MYO7B: variants seen among roughly 807,000 people sequenced by gnomAD.
MYO7B encodes unconventional myosin-VIIb.
Under a neutral mutation model 259.7 loss-of-function variants are expected in MYO7B, and 212 were observed. The ratio of observed to expected loss-of-function variants is 0.82; its 90% CI spans 0.73 to 0.91. The LOEUF (loss-of-function observed/expected upper bound fraction) is 0.91, where lower values mean the gene tolerates loss of function less well. Ranked by LOEUF, MYO7B falls within the 40% of genes least tolerant of loss-of-function variation. The pLI is 0.00. For synonymous variants in MYO7B, 1,197 were observed against 1,166.4 expected (o/e 1.03, Z -0.54); for missense variants, 2,732 against 2,813.5 (o/e 0.97, Z 0.66).
In MYO7B at chr2:127,628,186, C is replaced by T; in HGVS notation, c.4461-186C>T. 1.3e-6 allele frequency: 1 copy of T among 752,244 alleles called. No homozygotes were observed. Among genetic ancestry groups the T allele is most frequent in the Non-Finnish European group, 2.3e-6 (1 of 433,706 alleles). 46.6% of individuals were successfully genotyped at this position (752,244 alleles called of 1,614,324 possible). ...CACCACTCTCAGCCTCCGAGAGGTCCTGTGCTCCGCCGTCCTTCATTTGTC... is the reference window on the plus strand; with the variant it reads ...CACCACTCTCAGCCTCCGAGAGGTCTTGTGCTCCGCCGTCCTTCATTTGTC... On this transcript the variant is annotated intron_variant, in intron 33 of 47. Transcript: ENST00000409816. This position sits in a 1 kb window ranked among gnomAD's most constrained non-coding sequence, Gnocchi z 4.8.
At chr2:127,560,055 C>T (rs1573620111) in intron 2 of MYO7B, among the ~76,000 whole-genome samples, 3 of 143,552 alleles carry the variant, frequency 2.1e-5, no homozygotes, top group African/African-American at 7.9e-5. Flanking sequence ...CAGACAGGGT[C>T]TCACTCTGTC....
At chr2:127,626,721 G>C (rs2105103371) in intron 31 of MYO7B, 1 of 369,824 alleles carries the variant, frequency 2.7e-6, no homozygotes, top group Middle Eastern at 7.5e-4. Flanking sequence ...GGAGCTTGCG[G>C]TGAGCCAAGA....
At chr2:127,554,441 A>G (rs1035107356) in intron 1 of MYO7B, among the ~76,000 whole-genome samples, 1 of 152,194 alleles carries the variant, frequency 6.6e-6, no homozygotes, top group Admixed American at 6.5e-5. Flanking sequence ...CCACTTGATC[A>G]TGGTGGATTA....
At chr2:127,622,702 C>T (rs1339975509) in intron 28 of MYO7B, among the ~76,000 whole-genome samples, 1 of 152,240 alleles carries the variant, frequency 6.6e-6, no homozygotes, top group Non-Finnish European at 1.5e-5. Flanking sequence ...TTTCTGTTCT[C>T]ACCCTGCCCC....
chr2:127,552,617 G>A (rs569434038), intron 1 of MYO7B, among the ~76,000 whole-genome samples: 6 of 152,162 alleles, frequency 3.9e-5, no homozygotes, highest in Non-Finnish European at 8.8e-5. Flanking sequence ...TCTCCTGTGA[G>A]GCAGATCCTG....
chr2:127,560,649 G>A (rs1678048237), intron 2 of MYO7B, among the ~76,000 whole-genome samples: 2 of 152,282 alleles, frequency 1.3e-5, no homozygotes, highest in South Asian at 4.1e-4. Context: ...AGGCTGGTGA[G>A]CCCAGAGAGC....
At chr2:127,541,866 A>C (rs557404946) in intron 1 of MYO7B, among the ~76,000 whole-genome samples, 2 of 152,230 alleles carry the variant, frequency 1.3e-5, no homozygotes, top group Non-Finnish European at 2.9e-5. Context: ...CTCCAAGAGC[A>C]GGGTCTCTTC....
rs556176333 is a variant in MYO7B, at chr2:127,637,240, G to A, written c.6328-76G>A. ...CTGCACTGCTGGTTGCTGAGGAAGA[G>A]AAGGTGGTCCCTGAGTCCAGGACCC... On this transcript the variant is annotated intron_variant, in intron 47 of 47. Coordinates refer to ENST00000409816, the MANE Select transcript of MYO7B (RefSeq NM_001393586.1). 6.6e-5 allele frequency: 75 copies of A among 1,138,688 alleles called. No homozygotes were observed. In the South Asian group the frequency reaches 9.0e-4, roughly 14 times the overall value. The allele number at this position is 1,138,688 out of a possible 1,614,324, so 70.5% of individuals were successfully genotyped here. A position where few individuals can be genotyped will look rare whatever the true frequency, so the allele number is the denominator to read the frequency against.
At chr2:127,621,086 G>A (rs904934807) in intron 27 of MYO7B, among the ~76,000 whole-genome samples, 4 of 152,108 alleles carry the variant, frequency 2.6e-5, no homozygotes, top group African/African-American at 7.2e-5. Context: ...CAGGAACCAC[G>A]GTCACTGAAG....
In MYO7B at chr2:127,598,587, G is replaced by A. The variant is rs191619764; in HGVS notation, c.2339+2031G>A. Among the ~76,000 whole-genome samples, 22 of 152,280 alleles carry A rather than the reference G, an allele frequency of 1.4e-4. 1 individual carries two copies. Among genetic ancestry groups the A allele is most frequent in the Admixed American group, 7.2e-4 (11 of 15,282 alleles). Reference sequence around the variant, plus strand: ...TGCAGAGCAAAAGTTTTTAATCTTCGTAAAGTCTAATTGTCAAATTTCTCT... The same window carrying A: ...TGCAGAGCAAAAGTTTTTAATCTTCATAAAGTCTAATTGTCAAATTTCTCT... On this transcript the variant is annotated intron_variant, in intron 19 of 47. Coordinates refer to ENST00000409816, the MANE Select transcript of MYO7B (RefSeq NM_001393586.1).
At chr2:127,599,674 A>G (rs1464389914) in intron 19 of MYO7B, among the ~76,000 whole-genome samples, 1 of 152,180 alleles carries the variant, frequency 6.6e-6, no homozygotes, top group African/African-American at 2.4e-5. Flanking sequence ...GCCCTTTCTC[A>G]AGTCGAGGAA....
intron 27 of MYO7B, among the ~76,000 whole-genome samples, chr2:127,621,118 G>T (rs1194752478): frequency 6.6e-6 from 1 of 152,148 alleles, no homozygotes; most frequent in Non-Finnish European, 1.5e-5. Context: ...TGGCACTCAG[G>T]CTGCTCCTGA....
intron 4 of MYO7B, among the ~76,000 whole-genome samples, 156 bp downstream of exon 4, chr2:127,565,541 A>T (rs1156477876): frequency 2.6e-5 from 4 of 152,200 alleles, no homozygotes; most frequent in African/African-American, 9.6e-5. Context: ...TCTGCTGCCC[A>T]GTCCCAAACA....
chr2:127,619,230 T>A (rs1276692088), intron 26 of MYO7B, among the ~76,000 whole-genome samples: 3 of 59,820 alleles, frequency 5.0e-5, no homozygotes, highest in Admixed American at 1.9e-4. Context: ...TGGGGGGTGG[T>A]TGGGTTGTGG....
At chr2:127,551,056 C>T (rs1693425792) in intron 1 of MYO7B, among the ~76,000 whole-genome samples, 1 of 129,834 alleles carries the variant, frequency 7.7e-6, no homozygotes, top group Non-Finnish European at 1.6e-5. Flanking sequence ...GTTGCCATGA[C>T]CAAATACTGC....
chr2:127,601,466 T>C (rs1179374182), intron 19 of MYO7B, among the ~76,000 whole-genome samples: 2 of 152,218 alleles, frequency 1.3e-5, no homozygotes, highest in East Asian at 3.8e-4. Context: ...TCATTTTTGC[T>C]TCACATATTT....
chr2:127,606,415 C>T (rs893506397), intron 20 of MYO7B, among the ~76,000 whole-genome samples: 10 of 152,210 alleles, frequency 6.6e-5, no homozygotes, highest in Non-Finnish European at 1.2e-4. Flanking sequence ...GGTTATGACA[C>T]GAAATGGTCA....
Position 127,609,400 on chromosome 2 carries a change from G to A in MYO7B, c.2815-106G>A, listed in dbSNP as rs564884820. The A allele has an allele frequency of 4.9e-5, 50 of 1,011,394 alleles. No individual in the cohort carries two copies. In the African/African-American group the frequency reaches 7.0e-4, roughly 14 times the overall value. The allele number at this position is 1,011,394 out of a possible 1,614,324, so 62.7% of individuals were successfully genotyped here. On this transcript the variant is annotated intron_variant, in intron 22 of 47. Transcript: ENST00000409816. The surrounding 1 kb of genome is among the most constrained non-coding windows in gnomAD (Gnocchi z 6.9). ...TGGTCTCCAGCACCTGAGGGATCAG[G>A]GTAATGCAACAGCCCCCGTGCTGCC... is the stretch of plus-strand genomic sequence containing the variant.
intron 15 of MYO7B, 42 bp downstream of exon 15, chr2:127,588,597 G>GTT (rs1369022900): frequency 1.2e-6 from 2 of 1,608,048 alleles, no homozygotes; most frequent in South Asian, 1.1e-5. Flanking sequence ...ACCCCTGATG[G>GTT]CTACAGGGCC....
Sources: gnomAD v4.1 joint callset for allele counts (sites outside exome capture counted in the v4.1 genomes callset) on GRCh38, gnomAD v4.1.1 for gene constraint, Gnocchi (gnomAD v3.1) non-coding constraint, MANE v1.5 for transcripts, NCBI Gene and HGNC (gene_info 2026-07-23, HGNC 2026-07-21) for gene names.